Variants in ELMO1 observed in about 807,000 individuals in gnomAD.
The protein encoded by ELMO1 is engulfment and cell motility protein 1.
In ELMO1, 26 loss-of-function variants were observed where a neutral mutation model predicts 98.9. The observed-to-expected ratio is 0.26, with a 90% CI of 0.19 to 0.36. The LOEUF (loss-of-function observed/expected upper bound fraction) is 0.36. ELMO1 is among the 10% of genes least tolerant of loss of function. ELMO1 has a pLI of 1.00. For missense variants in ELMO1, 627 were observed against 935.2 expected, an observed-to-expected ratio of 0.67 and a Z score of 4.30; for synonymous variants, 346 against 346.0, an observed-to-expected ratio of 1.00 and a Z score of 0.00.
chr7:37,379,812 G>A (rs1802512022), intron 1 of ELMO1, among the ~76,000 whole-genome samples: 1 of 152,164 alleles, frequency 6.6e-6, no homozygotes, highest in Non-Finnish European at 1.5e-5. Flanking sequence ...ATTGGACAGA[G>A]GACGGGCCTC....
intron 14 of ELMO1, among the ~76,000 whole-genome samples, chr7:37,125,358 A>C (rs1475857703): frequency 6.6e-6 from 1 of 152,188 alleles, no homozygotes; most frequent in Non-Finnish European, 1.5e-5. Context: ...CAACCTACAG[A>C]ATGGGAGAAA....
At chr7:36,858,373 G>A (rs1296807199) in intron 21 of ELMO1, among the ~76,000 whole-genome samples, 1 of 152,184 alleles carries the variant, frequency 6.6e-6, no homozygotes, top group South Asian at 2.1e-4. Context: ...CACCACTGCT[G>A]CTGCTTAGAA....
chr7:37,093,974 G>A (rs1784251423), intron 15 of ELMO1, among the ~76,000 whole-genome samples: 2 of 152,088 alleles, frequency 1.3e-5, no homozygotes. Context: ...AAACTCATAG[G>A]AAAAAGTATC....
chr7:36,980,160 T>C (rs1301372518), intron 16 of ELMO1, among the ~76,000 whole-genome samples: 3 of 152,210 alleles, frequency 2.0e-5, no homozygotes, highest in Non-Finnish European at 4.4e-5. Flanking sequence ...AGTAAAGAGC[T>C]GTCTGCCTTA....
In ELMO1 at chr7:37,350,626, T is replaced by C. The variant is rs1801217538; in HGVS notation, c.-73-7863A>G. On this transcript the variant is annotated intron_variant, in intron 1 of 21. Transcript: ENST00000310758. ...CTTCAAATCCTTAAATCCTCTCAGGTTGATAGAGGCCTCTTTAGTATGAGA... is the reference window on the plus strand; with the variant it reads ...CTTCAAATCCTTAAATCCTCTCAGGCTGATAGAGGCCTCTTTAGTATGAGA... Among the ~76,000 whole-genome samples, 6 of 152,196 alleles carry C rather than the reference T, an allele frequency of 3.9e-5. No individual in the cohort carries two copies. The South Asian group carries it at 1.2e-3, about 32-fold the overall frequency.
chr7:37,314,195 G>C (rs1422782701), intron 4 of ELMO1, among the ~76,000 whole-genome samples: 1 of 152,204 alleles, frequency 6.6e-6, no homozygotes, highest in Non-Finnish European at 1.5e-5. Flanking sequence ...GCCCAGGTTA[G>C]TCTTAAGGAA....
At chr7:37,110,490 A>T (rs1785188870) in intron 14 of ELMO1, among the ~76,000 whole-genome samples, 1 of 152,244 alleles carries the variant, frequency 6.6e-6, no homozygotes, top group Non-Finnish European at 1.5e-5. Context: ...ACGTTAAGTC[A>T]AAAGGTCTCA....
intron 16 of ELMO1, among the ~76,000 whole-genome samples, chr7:36,983,614 C>T (rs945798391): frequency 3.3e-5 from 5 of 152,186 alleles, no homozygotes; most frequent in Admixed American, 1.3e-4. Context: ...GGCAAAAAAA[C>T]TTAGTCCCAT....
chr7:37,160,804 C>T (rs1323245213), intron 13 of ELMO1, among the ~76,000 whole-genome samples: 1 of 152,124 alleles, frequency 6.6e-6, no homozygotes, highest in Non-Finnish European at 1.5e-5. Flanking sequence ...CCTGGACCTT[C>T]AGGCCTGATG....
intron 13 of ELMO1, among the ~76,000 whole-genome samples, chr7:37,169,768 A>G (rs1175633092): frequency 6.6e-6 from 1 of 152,246 alleles, no homozygotes; most frequent in East Asian, 1.9e-4. Context: ...CACACTTAGG[A>G]ACCAACAGGA....
intron 16 of ELMO1, among the ~76,000 whole-genome samples, chr7:36,956,556 T>G (rs989692738): frequency 6.6e-6 from 1 of 152,122 alleles, no homozygotes. Flanking sequence ...AAAAAAAAGG[T>G]CACTTTATTC....
chr7:37,382,689 A>G (rs1802628819), intron 1 of ELMO1, among the ~76,000 whole-genome samples: 1 of 152,022 alleles, frequency 6.6e-6, no homozygotes, highest in East Asian at 1.9e-4. Flanking sequence ...ACTTTCCCAC[A>G]GTCTGCCACC....
intron 19 of ELMO1, among the ~76,000 whole-genome samples, chr7:36,873,895 T>C (rs948267303): frequency 4.6e-5 from 7 of 152,362 alleles, no homozygotes; most frequent in African/African-American, 1.7e-4. Context: ...CAGAAACCAT[T>C]CAAAGGAAGT....
rs73689656 is a variant in ELMO1, at chr7:36,864,795, C to G, written c.1906-3059G>C. Among the ~76,000 whole-genome samples, 662 of 152,338 alleles carry G rather than the reference C, an allele frequency of 4.3e-3. 16 individuals are homozygous for G. In the East Asian group the frequency reaches 0.076, roughly 18 times the overall value. ...GGGGCTTTGTTGCTCATGACCGAAG[C>G]TCTTTTATTCCTCTGGATTTAGTGC... is the stretch of plus-strand genomic sequence containing the variant. On this transcript the variant is annotated intron_variant, in intron 20 of 21. Transcript: ENST00000310758.
At chr7:37,314,276 G>T (rs1406315035) in intron 4 of ELMO1, among the ~76,000 whole-genome samples, 1 of 152,112 alleles carries the variant, frequency 6.6e-6, no homozygotes, top group Non-Finnish European at 1.5e-5. Context: ...AAATTCCAGT[G>T]TGCCCTTCCT....
At chr7:37,222,228 C>T (rs1433451287) in intron 10 of ELMO1, among the ~76,000 whole-genome samples, 1 of 152,210 alleles carries the variant, frequency 6.6e-6, no homozygotes, top group Admixed American at 6.5e-5. Flanking sequence ...AAAATGAGAA[C>T]AGCACTTCCC....
At chr7:37,354,739 G>A (rs1352049876) in intron 1 of ELMO1, among the ~76,000 whole-genome samples, 1 of 152,196 alleles carries the variant, frequency 6.6e-6, no homozygotes, top group Non-Finnish European at 1.5e-5. Context: ...CCCCAGTGGA[G>A]GAGGCAAGGC....
intron 15 of ELMO1, among the ~76,000 whole-genome samples, chr7:37,023,525 C>T (rs1446574355): frequency 6.6e-6 from 1 of 152,132 alleles, no homozygotes; most frequent in East Asian, 1.9e-4. Context: ...CTGCTATCAG[C>T]TTCTGAAGTT....
At chr7:37,271,906 G>A in intron 4 of ELMO1, 24 bp from the exon 5 acceptor site, 1 of 1,611,314 alleles carries the variant, frequency 6.2e-7, no homozygotes, top group Non-Finnish European at 8.5e-7. Flanking sequence ...AAAAATCTTT[G>A]TAAATTTTCA....
Sources: gnomAD v4.1 joint callset for allele counts (sites outside exome capture counted in the v4.1 genomes callset) on GRCh38, gnomAD v4.1.1 for gene constraint, MANE v1.5 for transcripts, NCBI Gene and HGNC (gene_info 2026-07-23, HGNC 2026-07-21) for gene names.